The following GATB variants were observed in gnomAD, a reference collection of about 807,000 sequenced individuals.
GATB encodes glutamyl-tRNA(Gln) amidotransferase subunit B, mitochondrial.
In GATB, 39 loss-of-function variants were observed where a neutral mutation model predicts 62.3. The ratio of observed to expected loss-of-function variants is 0.63; its 90% CI spans 0.48 to 0.82. GATB has a LOEUF of 0.82. Among genes scored for constraint, GATB ranks in the 40% least tolerant of loss-of-function variants. GATB has a pLI of 0.00. For missense variants in GATB, 670 were observed against 684.0 expected (o/e 0.98, Z 0.23); for synonymous variants, 276 against 258.9 (o/e 1.07, Z -0.63).
chr4:151,738,578 GTAT>G (rs1739424794), intron 2 of GATB, among the ~76,000 whole-genome samples: 1 of 152,162 alleles, frequency 6.6e-6, no homozygotes, highest in Admixed American at 6.5e-5. Context: ...ACTAATACAA[GTAT>G]TATAATAACA....
At chr4:151,727,894 A>G (rs1399781807) in intron 2 of GATB, among the ~76,000 whole-genome samples, 1 of 152,250 alleles carries the variant, frequency 6.6e-6, no homozygotes, top group Non-Finnish European at 1.5e-5. Flanking sequence ...TAACTTTTCC[A>G]GGAGGCATGG....
At chr4:151,743,524 C>G (rs1235189817) in intron 2 of GATB, among the ~76,000 whole-genome samples, 1 of 152,212 alleles carries the variant, frequency 6.6e-6, no homozygotes, top group Non-Finnish European at 1.5e-5. Flanking sequence ...CTCATATATA[C>G]ATATCTGTAA....
At chr4:151,748,889 C>G (rs2126997214) in intron 2 of GATB, among the ~76,000 whole-genome samples, 1 of 152,274 alleles carries the variant, frequency 6.6e-6, no homozygotes, top group Admixed American at 6.5e-5. Flanking sequence ...ATTTATGCAG[C>G]CAACAGACAC....
Position 151,677,622 on chromosome 4 carries a change from T to C in GATB, c.1410+2191A>G, listed in dbSNP as rs560441896. ...CTAATAGCCAAAATGTGGAAACAAC[T>C]CAAATGTCCATCAACTGATGAATGG... On this transcript the variant is annotated intron_variant, in intron 11 of 12. Coordinates refer to ENST00000263985, the MANE Select transcript of GATB (RefSeq NM_004564.3). 4 of 152,266 alleles carry C rather than the reference T, an allele frequency of 2.6e-5. No individual in the cohort carries two copies. The East Asian group carries it at 7.7e-4, about 29-fold the overall frequency. 9.4% of individuals were successfully genotyped at this position (152,266 alleles called of 1,614,324 possible).
chr4:151,729,927 T>A (rs7656154), intron 2 of GATB, among the ~76,000 whole-genome samples: 1 of 152,148 alleles, frequency 6.6e-6, no homozygotes, highest in African/African-American at 2.4e-5. Flanking sequence ...GAGGCTTGCA[T>A]TGTGAATTTT....
intron 2 of GATB, chr4:151,721,037 G>C (rs976779091): frequency 6.6e-6 from 1 of 152,276 alleles, no homozygotes; most frequent in African/African-American, 2.4e-5. Context: ...AGGAGATCGA[G>C]ACCATCCTGG....
intron 2 of GATB, among the ~76,000 whole-genome samples, chr4:151,741,942 T>C (rs1052352602): frequency 1.3e-5 from 2 of 152,282 alleles, no homozygotes; most frequent in Admixed American, 1.3e-4. Flanking sequence ...AGCGGGAATT[T>C]GGAAAGAGCT....
In GATB at chr4:151,719,455, G is replaced by A. The variant is rs1292457204; in HGVS notation, c.411C>T (p.Asp137=). 1.9e-6 allele frequency: 3 copies of A among 1,611,772 alleles called. No homozygotes were observed. The highest frequency in any genetic ancestry group is 2.5e-6 in the Non-Finnish European group (3 of 1,178,912). The change falls in exon 3 of 13, where the codon GAC becomes GAT. Residue 137 remains aspartate, a synonymous_variant. Transcript: ENST00000263985. ...GGTCTGCATAGAAGTAGTGCTTCCT[G>A]TCAAACAAGGACTTCTTGTTTATGT... The part of the protein sequence containing the change: ...NCHINKKSLF[D]RKHYFYADLP...
intron 2 of GATB, 24 bp from the exon 3 acceptor site, chr4:151,719,562 C>G: frequency 6.8e-7 from 1 of 1,471,904 alleles, no homozygotes; most frequent in African/African-American, 1.4e-5. Context: ...ACACACAGTT[C>G]CTCTCAGAAC....
chr4:151,700,962 G>A (rs943955699), intron 9 of GATB, among the ~76,000 whole-genome samples: 3 of 152,198 alleles, frequency 2.0e-5, no homozygotes, highest in Non-Finnish European at 4.4e-5. Flanking sequence ...GATACCGCTA[G>A]ACATCCAGAA....
intron 2 of GATB, among the ~76,000 whole-genome samples, chr4:151,749,936 C>T (rs2082808657): frequency 6.6e-6 from 1 of 151,980 alleles, no homozygotes; most frequent in South Asian, 2.1e-4. Flanking sequence ...GGCTGGAGTG[C>T]AGTGGCGCTA....
At chr4:151,703,332 A>G (rs1480017651) in intron 8 of GATB, 2 of 152,772 alleles carry the variant, frequency 1.3e-5, no homozygotes, top group African/African-American at 4.8e-5. Context: ...TAAAAGTTTC[A>G]ATTATCTTAT....
At position 151,758,910 on chromosome 4, in the gene GATB, C is replaced by A; in HGVS notation, c.189G>T (p.Trp63Cys). ...AQKTRKGEHK[W>C]AAVVGLEIHA... is the part of the protein sequence containing the mutation. ...GAATTTCCAAACCTACCACAGCAGC[C>A]CATTTGTGTTCACTAAGAAGAAAGA... Residue 63 changes from tryptophan to cysteine, a missense_variant, in exon 2 of 13, where the codon TGG becomes TGT. Coordinates refer to ENST00000263985, the MANE Select transcript of GATB (RefSeq NM_004564.3). The A allele has an allele frequency of 6.2e-7, 1 of 1,601,732 alleles. No individual in the cohort carries two copies. The highest frequency in any genetic ancestry group is 8.5e-7 in the Non-Finnish European group (1 of 1,174,614).
Position 151,758,874 on chromosome 4 carries a change from A to G in GATB, c.225T>C (p.Ile75=). ...AVVGLEIHAQ[I]SSNSKLFSGS... is the part of the protein sequence containing the mutation. ...CAGAGAAGAGTTTAGAGTTGGAGGA[A>G]ATCTGGGCATGAATTTCCAAACCTA... Residue 75 remains isoleucine, a synonymous_variant, in exon 2 of 13, where the codon ATT becomes ATC. Coordinates refer to ENST00000263985, the MANE Select transcript of GATB (RefSeq NM_004564.3). 5 of 1,611,172 alleles carry G rather than the reference A, an allele frequency of 3.1e-6. No homozygotes were observed. The highest frequency in any genetic ancestry group is 4.2e-6 in the Non-Finnish European group (5 of 1,178,406).
At chr4:151,716,257 T>C in intron 4 of GATB, 126 bp from the exon 5 acceptor site, 3 of 758,194 alleles carry the variant, frequency 4.0e-6, no homozygotes, top group East Asian at 3.5e-5. Flanking sequence ...AGCCTCTCAA[T>C]CATTTCTCTT....
intron 2 of GATB, among the ~76,000 whole-genome samples, chr4:151,750,790 A>C (rs1739706816): frequency 2.7e-5 from 4 of 148,598 alleles, no homozygotes; most frequent in Admixed American, 2.0e-4. Context: ...ACCATGCCCG[A>C]CTTATTTTTG....
chr4:151,696,411 C>T (rs1286992257), intron 9 of GATB, among the ~76,000 whole-genome samples: 1 of 152,210 alleles, frequency 6.6e-6, no homozygotes, highest in East Asian at 1.9e-4. Flanking sequence ...GTTTTCTCCA[C>T]TAATGAAACA....
At chr4:151,748,615 G>A (rs1413670586) in intron 2 of GATB, among the ~76,000 whole-genome samples, 2 of 152,264 alleles carry the variant, frequency 1.3e-5, no homozygotes, top group Non-Finnish European at 2.9e-5. Flanking sequence ...AGGACTTCAT[G>A]TCTAAAACAC....
At chr4:151,686,658 C>CCCCCCG in intron 10 of GATB, among the ~76,000 whole-genome samples, 1 of 124,606 alleles carries the variant, frequency 8.0e-6, no homozygotes, top group Admixed American at 8.3e-5. Flanking sequence ...CCCCGCCCCC[C>CCCCCCG]CCCCACCCCC....
Sources: gnomAD v4.1 joint callset for allele counts (sites outside exome capture counted in the v4.1 genomes callset) on GRCh38, gnomAD v4.1.1 for gene constraint, MANE v1.5 for transcripts, NCBI Gene and HGNC (gene_info 2026-07-23, HGNC 2026-07-21) for gene names.